The following TAFA4 variants were observed in gnomAD, a reference collection of about 807,000 sequenced individuals.
TAFA4 encodes the protein TAFA chemokine like family member 4.
TAFA4 carries 20 observed loss-of-function variants against 21.1 expected under a neutral mutation model. That is an observed-to-expected ratio of 0.95 (90% confidence interval 0.67 to 1.38). The LOEUF (loss-of-function observed/expected upper bound fraction) is 1.38. Ranked by LOEUF, TAFA4 falls within the 40% of genes most tolerant of loss-of-function variation. The probability of loss-of-function intolerance (pLI) is 0.00; values close to 1 mark genes in which losing one functional copy is unlikely to be tolerated. For synonymous variants in TAFA4, 71 were observed against 67.4 expected (o/e 1.05, Z -0.26); for missense variants, 211 against 180.9 (o/e 1.17, Z -0.95).
At chr3:68,855,714 T>C (rs1448532025) in intron 3 of TAFA4, among the ~76,000 whole-genome samples, 1 of 152,032 alleles carries the variant, frequency 6.6e-6, no homozygotes, top group East Asian at 1.9e-4. Context: ...TGAAAATGAC[T>C]GAGTAGATAA....
intron 3 of TAFA4, among the ~76,000 whole-genome samples, chr3:68,856,460 C>T (rs915669419): frequency 1.3e-5 from 2 of 152,060 alleles, no homozygotes; most frequent in African/African-American, 2.4e-5. Flanking sequence ...AAACGCTTTA[C>T]CTATTCCCTC....
chr3:68,808,171 G>A (rs748008769), intron 3 of TAFA4, among the ~76,000 whole-genome samples: 1 of 152,162 alleles, frequency 6.6e-6, no homozygotes. Flanking sequence ...AGTCAGAGTA[G>A]AGAGGAAGGA....
chr3:68,859,788 C>T lies in TAFA4; in HGVS notation c.130+20942G>A, dbSNP rs143552482. Among the ~76,000 whole-genome samples the T allele has an allele frequency of 2.7e-3, 411 of 152,216 alleles. 1 individual carries two copies. Among genetic ancestry groups the T allele is most frequent in the African/African-American group, 9.2e-3 (384 of 41,560 alleles). ...CCAGAATGCTAATAAAAGGAGGATC[C>T]AGTGTTTCAAACACAAATAATGAAT... On this transcript the variant is annotated intron_variant, in intron 3 of 5. Transcript: ENST00000295569.
chr3:68,764,105 A>C (rs1164065533), intron 3 of TAFA4, among the ~76,000 whole-genome samples: 2 of 152,138 alleles, frequency 1.3e-5, no homozygotes, highest in Non-Finnish European at 1.5e-5. Context: ...AGCCCTCAGT[A>C]GGATTGTATT....
chr3:68,856,454 G>T (rs566151580), intron 3 of TAFA4, among the ~76,000 whole-genome samples: 1 of 152,010 alleles, frequency 6.6e-6, no homozygotes, highest in Non-Finnish European at 1.5e-5. Context: ...ATTCCCAAAC[G>T]CTTTACCTAT....
chr3:68,757,037 A>G (rs1559760745), intron 3 of TAFA4, among the ~76,000 whole-genome samples: 1 of 152,028 alleles, frequency 6.6e-6, no homozygotes, highest in Non-Finnish European at 1.5e-5. Flanking sequence ...TTTCACAGTT[A>G]CCTCTCAGGA....
chr3:68,788,238 C>T (rs1320306130), intron 3 of TAFA4, among the ~76,000 whole-genome samples: 1 of 152,180 alleles, frequency 6.6e-6, no homozygotes, highest in Non-Finnish European at 1.5e-5. Flanking sequence ...ACCACCTTCT[C>T]CCTCACTACC....
chr3:68,864,721 C>T (rs1379473453), intron 3 of TAFA4, among the ~76,000 whole-genome samples: 1 of 151,922 alleles, frequency 6.6e-6, no homozygotes, highest in Non-Finnish European at 1.5e-5. Context: ...GGATAAACAA[C>T]GTGTGGCACA....
intron 1 of TAFA4, among the ~76,000 whole-genome samples, chr3:68,904,985 A>T (rs981815838): frequency 1.3e-5 from 2 of 152,094 alleles, no homozygotes; most frequent in African/African-American, 4.8e-5. Context: ...GCTGCTACCC[A>T]TAACCAAATG....
chr3:68,871,032 C>T (rs149012885), intron 3 of TAFA4, among the ~76,000 whole-genome samples: 1,743 of 152,086 alleles, frequency 0.011, 38 homozygotes, highest in African/African-American at 0.04. Flanking sequence ...GTTAGAATGG[C>T]GATCATTAAA....
intron 3 of TAFA4, among the ~76,000 whole-genome samples, chr3:68,839,612 C>T (rs773800516): frequency 7.2e-5 from 11 of 152,196 alleles, no homozygotes; most frequent in Admixed American, 4.6e-4. Flanking sequence ...CACTGAGAAA[C>T]GTAAACCTGT....
intron 3 of TAFA4, among the ~76,000 whole-genome samples, chr3:68,861,030 A>ACCCCCC (rs113804738): frequency 5.6e-4 from 62 of 110,982 alleles, no homozygotes; most frequent in East Asian, 6.8e-4. Context: ...TTAAATATGC[A>ACCCCCC]CCCCCCCCCC....
rs1337253114 is a variant in TAFA4 at position 68,740,409 on chromosome 3, T to A, written c.287-1210A>T. Among the ~76,000 whole-genome samples the A allele has an allele frequency of 2.0e-5, 3 of 152,232 alleles. No homozygotes were observed. The East Asian group carries it at 5.8e-4, about 29-fold the overall frequency. ...GTGAGTGGACAGCAACCACTTAAAG[T>A]CAATTACAAGAAGCCACAGGAACAT... On this transcript the variant is annotated intron_variant, in intron 4 of 5. Coordinates refer to ENST00000295569, the MANE Select transcript of TAFA4 (RefSeq NM_182522.5).
At chr3:68,864,393 T>A (rs1214867354) in intron 3 of TAFA4, among the ~76,000 whole-genome samples, 1 of 152,130 alleles carries the variant, frequency 6.6e-6, no homozygotes, top group African/African-American at 2.4e-5. Flanking sequence ...ATCTGCAATA[T>A]GATATCACCA....
chr3:68,812,482 C>G (rs1703865047), intron 3 of TAFA4, among the ~76,000 whole-genome samples: 1 of 152,100 alleles, frequency 6.6e-6, no homozygotes, highest in Non-Finnish European at 1.5e-5. Flanking sequence ...GGAGGAAGAT[C>G]TACCAAGCAA....
chr3:68,765,799 GGAGT>G (rs1049256789), intron 3 of TAFA4, among the ~76,000 whole-genome samples: 3 of 152,130 alleles, frequency 2.0e-5, no homozygotes, highest in African/African-American at 7.2e-5. Context: ...AGGTGGATTA[GGAGT>G]GACTGACTGA....
intron 3 of TAFA4, among the ~76,000 whole-genome samples, chr3:68,851,138 T>C (rs1326770010): frequency 6.6e-6 from 1 of 152,160 alleles, no homozygotes; most frequent in African/African-American, 2.4e-5. Flanking sequence ...GTGGTATATA[T>C]ACACCATGGA....
At chr3:68,759,639 T>C (rs1702725249) in intron 3 of TAFA4, among the ~76,000 whole-genome samples, 1 of 152,132 alleles carries the variant, frequency 6.6e-6, no homozygotes, top group Admixed American at 6.5e-5. Context: ...AAACTGAAGC[T>C]AAATATTGAG....
chr3:68,856,495 C>T (rs1033650319), intron 3 of TAFA4, among the ~76,000 whole-genome samples: 1 of 151,942 alleles, frequency 6.6e-6, no homozygotes, highest in African/African-American at 2.4e-5. Flanking sequence ...CAGAGTCTTT[C>T]AGTCTTCATC....
Sources: allele counts gnomAD v4.1 joint callset (sites outside exome capture counted in the v4.1 genomes callset), GRCh38; gene constraint gnomAD v4.1.1; transcripts MANE v1.5; gene names NCBI Gene and HGNC (gene_info 2026-07-23, HGNC 2026-07-21).